The following TMEM205 variants were observed in gnomAD, a reference collection of about 807,000 sequenced individuals.
The protein encoded by TMEM205 is MBC3205.
TMEM205 carries 11 observed loss-of-function variants against 17.9 expected under a neutral mutation model. The ratio of observed to expected loss-of-function variants is 0.61; its 90% CI spans 0.39 to 1.02. The LOEUF (loss-of-function observed/expected upper bound fraction) is 1.02, where lower values mean the gene tolerates loss of function less well. TMEM205 is among the 50% of genes least tolerant of loss of function. The pLI is 0.01. For missense variants in TMEM205, 236 were observed against 239.4 expected (o/e 0.99, Z 0.09); for synonymous variants, 86 against 97.4 (o/e 0.88, Z 0.69).
chr19:11,346,390 G>GC (rs1967232770), upstream of TMEM205: 1 of 623,358 alleles, frequency 1.6e-6, no homozygotes, highest in Non-Finnish European at 2.8e-6. Context: ...CTGGGATCCC[G>GC]CCCCCTCCAC....
Position 11,345,171 on chromosome 19 carries a change from CT to C in TMEM205, c.264+80del, listed in dbSNP as rs202149270. 2.3e-3 allele frequency: 3,415 copies of C among 1,466,362 alleles called. 57 individuals are homozygous for C. The African/African-American group carries it at 0.038, about 16-fold the overall frequency. The allele number at this position is 1,466,362 out of a possible 1,614,324, so 90.8% of individuals were successfully genotyped here. ...ATGCCTAGCCTTTTTTTTTCCCCCC[CT>C]GGAAAAGGTGTAGCCATAGGCGCTG... On this transcript the variant is annotated intron_variant, in intron 2 of 2. Coordinates refer to ENST00000354882, the MANE Select transcript of TMEM205 (RefSeq NM_198536.3).
chr19:11,345,768 AAAGGCCCAAAGCAGTC>A lies in TMEM205; in HGVS notation c.-165_-150del. On this transcript the variant is annotated 5_prime_UTR_variant, in exon 1 of 3. It removes the in-frame stop codon of an upstream open reading frame in the 5' UTR. Transcript: ENST00000354882. The stretch of plus-strand genomic sequence containing the variant: ...AAAGCATCCCGGGAATGAGAGTGAG[AAAGGCCCAAAGCAGTC>A]AAGGCCCAAAGACAACCCTCGACCC... 1 of 1,426,812 alleles carries A rather than the reference AAAGGCCCAAAGCAGTC, an allele frequency of 7.0e-7. No homozygotes were observed. Among genetic ancestry groups the A allele is most frequent in the Non-Finnish European group, 9.2e-7 (1 of 1,086,170 alleles). 88.4% of individuals were successfully genotyped at this position (1,426,812 alleles called of 1,614,324 possible). A position where few individuals can be genotyped will look rare whatever the true frequency, so the allele number is the denominator to read the frequency against.
rs1414607862 is a variant in TMEM205 at position 11,343,854 on chromosome 19, C to T, written c.265-734G>A. 4.6e-5 allele frequency among the ~76,000 whole-genome samples: 7 copies of T among 152,078 alleles called. No homozygotes were observed. In the South Asian group the frequency reaches 6.2e-4, roughly 14 times the overall value. ...GTGGCTCATGCCTGTAATCTGTAAT[C>T]CCGGTGCTTTCAGAGATGGGGGTGG... On this transcript the variant is annotated intron_variant, in intron 2 of 2. Coordinates refer to ENST00000354882, the MANE Select transcript of TMEM205 (RefSeq NM_198536.3).
chr19:11,344,235 G>A (rs1334571974), intron 2 of TMEM205, among the ~76,000 whole-genome samples: 3 of 151,846 alleles, frequency 2.0e-5, no homozygotes, highest in Non-Finnish European at 2.9e-5. Context: ...GAGCCACTGC[G>A]CCCAGCCTAT....
intron 2 of TMEM205, among the ~76,000 whole-genome samples, chr19:11,344,318 T>C (rs1467411171): frequency 1.3e-5 from 2 of 152,098 alleles, no homozygotes; most frequent in Non-Finnish European, 2.9e-5. Flanking sequence ...TTTTAAGTAT[T>C]TGAATACCTT....
intron 2 of TMEM205, 53 bp from the exon 3 acceptor site, chr19:11,343,173 C>T (rs774930540): frequency 9.3e-5 from 144 of 1,556,296 alleles, no homozygotes; most frequent in Non-Finnish European, 1.2e-4. Context: ...GCCAGAGGGG[C>T]CCTAGGGAGG....
At chr19:11,346,282 T>C (rs1301756327), upstream of TMEM205, 2 of 422,860 alleles carry the variant, frequency 4.7e-6, no homozygotes, top group Non-Finnish European at 4.2e-6. Flanking sequence ...CAACCAATAA[T>C]TCGTCCCGCC....
Position 11,345,383 on chromosome 19 carries a change from T to A in TMEM205, c.133A>T (p.Thr45Ser). 6.2e-7 allele frequency: 1 copy of A among 1,614,110 alleles called. No homozygotes were observed. The highest frequency in any genetic ancestry group is 1.3e-5 in the African/African-American group (1 of 75,016). Residue 45 changes from threonine to serine, a missense_variant, in exon 2 of 3, where the codon ACC becomes TCC. Thr to Ser is a moderately conservative substitution (Grantham distance 58). Coordinates refer to ENST00000354882, the MANE Select transcript of TMEM205 (RefSeq NM_198536.3). Reference sequence around the variant, plus strand: ...AGTTTGCTCTGCACTAGTCCGAAGGTATGTCGGGGAAGGCTTCGGAAAAGC... The same window carrying A: ...AGTTTGCTCTGCACTAGTCCGAAGGAATGTCGGGGAAGGCTTCGGAAAAGC... ...FLLFRSLPRH[T>S]FGLVQSKLFP...
intron 2 of TMEM205, 63 bp from the exon 3 acceptor site, chr19:11,343,183 G>T: frequency 6.7e-7 from 1 of 1,500,226 alleles, no homozygotes; most frequent in Non-Finnish European, 9.0e-7. Context: ...CCCTAGGGAG[G>T]GTCTTTCTGC....
Position 11,342,894 on chromosome 19 carries a change from G to T in TMEM205, c.491C>A (p.Ser164Tyr). 6.2e-7 allele frequency: 1 copy of T among 1,614,236 alleles called. No homozygotes were observed. Among genetic ancestry groups the T allele is most frequent in the Non-Finnish European group, 8.5e-7 (1 of 1,180,036 alleles). Residue 164 changes from serine (S) to tyrosine (Y), a missense_variant, in exon 3 of 3, where the codon TCC becomes TAC. Physicochemically the swap from Ser to Tyr is moderately radical, Grantham distance 144. Transcript: ENST00000354882. ...GACGCAGCCCAGATTGCAAAGAGAG[G>T]ACAGCCCATGGTAGCGGAAGAAATT... Reference protein sequence around the residue: ...RQNFFRYHGLSSLCNLGCVLS... With the variant: ...RQNFFRYHGLYSLCNLGCVLS...
At position 11,345,385 on chromosome 19, in the gene TMEM205, T is replaced by A; in HGVS notation, c.131A>T (p.His44Leu). 6.2e-7 allele frequency: 1 copy of A among 1,614,162 alleles called. No individual in the cohort carries two copies. Among genetic ancestry groups the A allele is most frequent in the South Asian group, 1.1e-5 (1 of 91,078 alleles). ...TTTGCTCTGCACTAGTCCGAAGGTA[T>A]GTCGGGGAAGGCTTCGGAAAAGCAG... ...GFLLFRSLPR[H>L]TFGLVQSKLF... Residue 44 changes from histidine (H) to leucine (L), a missense_variant, in exon 2 of 3, where the codon CAT (histidine) becomes CTT (leucine). Transcript: ENST00000354882.
chr19:11,343,375 G>A (rs117898417), intron 2 of TMEM205, among the ~76,000 whole-genome samples: 1 of 152,230 alleles, frequency 6.6e-6, no homozygotes, highest in East Asian at 1.9e-4. Context: ...AAAACCTCCC[G>A]AGCCTCTTCT....
chr19:11,345,484 C>G, intron 1 of TMEM205, 36 bp downstream of exon 1: 1 of 1,614,028 alleles, frequency 6.2e-7, no homozygotes, highest in South Asian at 1.1e-5. Context: ...CATCCCCACC[C>G]CAGGTACCCA....
chr19:11,343,038 G>GCCCA lies in TMEM205; in HGVS notation c.343_346dup (p.Ala116ValfsTer?), dbSNP rs758247172. The GCCCA allele has an allele frequency of 6.2e-7, 1 of 1,614,162 alleles. No individual in the cohort carries two copies. The highest frequency in any genetic ancestry group is 8.5e-7 in the Non-Finnish European group (1 of 1,180,042). ...TCGCTCCTTCTCCACGGTTTGCAGG[G>GCCCA]CCCACATGGCAGCTGTGGTGCGGGG... On this transcript the variant is annotated frameshift_variant, in exon 3 of 3. Coordinates refer to ENST00000354882, the MANE Select transcript of TMEM205 (RefSeq NM_198536.3). LOFTEE classifies it high-confidence loss of function.
At position 11,345,281 on chromosome 19, in the gene TMEM205, C is replaced by A; in HGVS notation, c.235G>T (p.Ala79Ser). Reference protein sequence around the residue: ...LCILASQHAWAQLTFWEASQL... With the variant: ...LCILASQHAWSQLTFWEASQL... ...CTGGCCTCCCAGAATGTGAGCTGAG[C>A]CCAAGCATGCTGTGAAGCCAAGATG... Residue 79 changes from alanine to serine, a missense_variant, in exon 2 of 3, where the codon GCT (alanine) becomes TCT (serine). Physicochemically the swap from Ala to Ser is moderately conservative, Grantham distance 99 (BLOSUM62 1). Transcript: ENST00000354882. 1.9e-6 allele frequency: 3 copies of A among 1,614,132 alleles called. No individual in the cohort carries two copies. The highest frequency in any genetic ancestry group is 2.5e-6 in the Non-Finnish European group (3 of 1,180,020).
Position 11,346,198 on chromosome 19 carries a change from A to G in TMEM205, c.-579T>C, listed in dbSNP as rs562263260. On this transcript the variant is annotated 5_prime_UTR_variant, in exon 1 of 3. Transcript: ENST00000354882. ...AGAGGCGTCGGGGCCAAATGGGCTG[A>G]ATCTGGTACCTCACTCCCACGCCCC... is the stretch of plus-strand genomic sequence containing the variant. 105 of 280,074 alleles carry G rather than the reference A, an allele frequency of 3.7e-4. No individual in the cohort carries two copies. The highest frequency in any genetic ancestry group is 2.4e-3 in the African/African-American group (103 of 43,080). 17.3% of individuals were successfully genotyped at this position (280,074 alleles called of 1,614,324 possible).
At chr19:11,343,466 T>A (rs1967019840) in intron 2 of TMEM205, among the ~76,000 whole-genome samples, 2 of 152,202 alleles carry the variant, frequency 1.3e-5, no homozygotes, top group Admixed American at 1.3e-4. Flanking sequence ...AAGCTGACAT[T>A]GGACCCACAG....
chr19:11,346,453 C>T (rs1967235605), upstream of TMEM205: 2 of 854,916 alleles, frequency 2.3e-6, no homozygotes, highest in Admixed American at 2.5e-5. Context: ...AGCGTGAAGG[C>T]GCCAATGAGG....
At chr19:11,344,085 C>T (rs1417342813) in intron 2 of TMEM205, among the ~76,000 whole-genome samples, 1 of 151,630 alleles carries the variant, frequency 6.6e-6, no homozygotes, top group Non-Finnish European at 1.5e-5. Flanking sequence ...GCTGGGATTA[C>T]AGGCGCACAC....
Sources: gnomAD v4.1 joint callset for allele counts (sites outside exome capture counted in the v4.1 genomes callset) on GRCh38, gnomAD v4.1.1 for gene constraint, MANE v1.5 for transcripts, NCBI Gene and HGNC (gene_info 2026-07-23, HGNC 2026-07-21) for gene names.